ETS1: variants seen among roughly 807,000 people sequenced by gnomAD.
The protein encoded by ETS1 is protein C-ets-1.
In ETS1, 15 loss-of-function variants were observed where a neutral mutation model predicts 58.6. That is an observed-to-expected ratio of 0.26 (90% CI 0.17 to 0.39). The LOEUF is 0.39. ETS1 is among the 10% of genes least tolerant of loss of function. ETS1 has a pLI of 1.00. For missense variants in ETS1, 417 were observed against 610.5 expected (o/e 0.68, Z 3.34); for synonymous variants, 214 against 218.2 (o/e 0.98, Z 0.17).
intron 8 of ETS1, among the ~76,000 whole-genome samples, chr11:128,473,403 T>C (rs1175803200): frequency 6.6e-6 from 1 of 152,258 alleles, no homozygotes; most frequent in African/African-American, 2.4e-5. Context: ...GTGCTCTCCA[T>C]AAACTAATTC....
intron 2 of ETS1, among the ~76,000 whole-genome samples, chr11:128,566,580 G>C (rs11221352): frequency 2.0e-4 from 30 of 152,018 alleles, no homozygotes; most frequent in Non-Finnish European, 2.8e-4. Context: ...TCAGGAGATC[G>C]AGACCATCCT....
At chr11:128,515,251 G>GTC (rs1013465686) in intron 3 of ETS1, among the ~76,000 whole-genome samples, 6 of 147,892 alleles carry the variant, frequency 4.1e-5, no homozygotes, top group Admixed American at 2.7e-4. Context: ...TTATCTCTCT[G>GTC]TCACACACAC....
intron 8 of ETS1, among the ~76,000 whole-genome samples, chr11:128,473,061 T>A (rs570924572): frequency 1.4e-4 from 22 of 152,332 alleles, no homozygotes; most frequent in Admixed American, 9.8e-4. Context: ...TTCCCTCATT[T>A]ATACAATGGG....
chr11:128,556,849 T>C (rs1864320755), intron 2 of ETS1, among the ~76,000 whole-genome samples: 1 of 152,084 alleles, frequency 6.6e-6, no homozygotes. Flanking sequence ...AACAAGTAAA[T>C]GATACATGCC....
chr11:128,474,120 G>A (rs1862258517), intron 8 of ETS1, among the ~76,000 whole-genome samples: 2 of 152,162 alleles, frequency 1.3e-5, no homozygotes, highest in Admixed American at 6.5e-5. Flanking sequence ...TCTAAAACAG[G>A]CAGTGGGCTA....
At chr11:128,538,679 G>A (rs2135539343) in intron 3 of ETS1, among the ~76,000 whole-genome samples, 1 of 152,188 alleles carries the variant, frequency 6.6e-6, no homozygotes, top group South Asian at 2.1e-4. Flanking sequence ...ATATATGGCA[G>A]TGCCTGGCTA....
At chr11:128,489,171 G>A (rs762086342) in intron 5 of ETS1, 119 bp downstream of exon 5, 61 of 808,524 alleles carry the variant, frequency 7.5e-5, no homozygotes, top group Middle Eastern at 2.5e-4. Flanking sequence ...TCCCACATAC[G>A]TCCTACAGTA....
At chr11:128,473,954 C>G (rs553027069) in intron 8 of ETS1, among the ~76,000 whole-genome samples, 1 of 152,220 alleles carries the variant, frequency 6.6e-6, no homozygotes, top group Admixed American at 6.5e-5. Context: ...TGGCTGCATT[C>G]TGCTCAGTGG....
At chr11:128,494,504 G>A (rs1862886522) in intron 3 of ETS1, among the ~76,000 whole-genome samples, 1 of 152,202 alleles carries the variant, frequency 6.6e-6, no homozygotes, top group Non-Finnish European at 1.5e-5. Context: ...GGAAACATCT[G>A]CTCATTTTTC....
chr11:128,505,007 CT>C (rs1335574207), intron 3 of ETS1: 3 of 152,250 alleles, frequency 2.0e-5, no homozygotes, highest in African/African-American at 7.2e-5. Flanking sequence ...TATTAAGCAA[CT>C]TTCAACAGTC....
At chr11:128,507,240 G>C (rs924856401) in intron 3 of ETS1, among the ~76,000 whole-genome samples, 4 of 152,192 alleles carry the variant, frequency 2.6e-5, no homozygotes, top group Admixed American at 6.5e-5. Flanking sequence ...CACCCTCCAT[G>C]AGTAAATAAA....
intron 3 of ETS1, among the ~76,000 whole-genome samples, chr11:128,516,232 C>T (rs193074425): frequency 1.3e-3 from 203 of 152,090 alleles, no homozygotes; most frequent in African/African-American, 4.7e-3. Flanking sequence ...ATCATCAACC[C>T]GACAGAAAAA....
intron 2 of ETS1, among the ~76,000 whole-genome samples, chr11:128,563,589 C>T (rs2135565659): frequency 6.6e-6 from 1 of 152,326 alleles, no homozygotes; most frequent in East Asian, 1.9e-4. Context: ...ATTCTTTCTC[C>T]TGACCTTACG....
At chr11:128,571,501 C>CCAGCCTGGGCGACAGAGCGAG (rs1864630611) in intron 2 of ETS1, among the ~76,000 whole-genome samples, 6 of 32,896 alleles carry the variant, frequency 1.8e-4, no homozygotes, top group African/African-American at 7.3e-4. Flanking sequence ...AAGACTCCGT[C>CCAGCCTGGGCGACAGAGCGAG]AAAAAAAAAA....
chr11:128,472,919 G>A (rs949803499), intron 8 of ETS1, among the ~76,000 whole-genome samples: 6 of 151,890 alleles, frequency 4.0e-5, no homozygotes, highest in African/African-American at 9.7e-5. Flanking sequence ...CCTGCTTTCC[G>A]GCACACTCAA....
chr11:128,568,302 G>A (rs1864547293), intron 2 of ETS1, among the ~76,000 whole-genome samples: 1 of 152,112 alleles, frequency 6.6e-6, no homozygotes, highest in Non-Finnish European at 1.5e-5. Context: ...GAGCAGCCCA[G>A]CCCGCTCATT....
At chr11:128,497,724 CT>C (rs1174499084) in intron 3 of ETS1, 8 of 189,168 alleles carry the variant, frequency 4.2e-5, no homozygotes, top group Non-Finnish European at 6.9e-5. Flanking sequence ...GTTCAGGCAC[CT>C]GACATGCACA....
chr11:128,555,268 A>G (rs1421766910), intron 3 of ETS1, among the ~76,000 whole-genome samples: 1 of 152,220 alleles, frequency 6.6e-6, no homozygotes, highest in Non-Finnish European at 1.5e-5. Context: ...GCAATAAAGC[A>G]TGGGCAACAA....
At chr11:128,548,950 C>T (rs1364037219) in intron 3 of ETS1, among the ~76,000 whole-genome samples, 1 of 151,748 alleles carries the variant, frequency 6.6e-6, no homozygotes, top group Non-Finnish European at 1.5e-5. Context: ...AATAAAAAAT[C>T]TGCTGGTGTT....
Sources: gnomAD v4.1 joint callset for allele counts (sites outside exome capture counted in the v4.1 genomes callset) on GRCh38, gnomAD v4.1.1 for gene constraint, MANE v1.5 for transcripts, NCBI Gene and HGNC (gene_info 2026-07-23, HGNC 2026-07-21) for gene names.